ASTN2: variants seen among roughly 807,000 people sequenced by gnomAD.
ASTN2 encodes the protein astrotactin-2.
A neutral mutation model predicts 139.8 loss-of-function variants in ASTN2; 54 were observed. The observed-to-expected ratio is 0.39, with a 90% confidence interval of 0.31 to 0.48. The LOEUF is 0.48. Ranked by LOEUF, ASTN2 falls within the 20% of genes least tolerant of loss-of-function variation. The probability of loss-of-function intolerance (pLI) is 0.95; values close to 1 mark genes in which losing one functional copy is unlikely to be tolerated. For missense variants in ASTN2, 1,565 were observed against 1,725.1 expected, an observed-to-expected ratio of 0.91 and a Z score of 1.64; for synonymous variants, 756 against 719.5, an observed-to-expected ratio of 1.05 and a Z score of -0.81.
chr9:116,475,880 T>A (rs890347982), intron 20 of ASTN2, among the ~76,000 whole-genome samples: 3 of 152,196 alleles, frequency 2.0e-5, no homozygotes, highest in African/African-American at 7.2e-5. Flanking sequence ...TTCCCTGGCC[T>A]TCCACATTCC....
chr9:117,087,447 G>A (rs537661575), intron 5 of ASTN2, among the ~76,000 whole-genome samples: 7 of 152,092 alleles, frequency 4.6e-5, no homozygotes, highest in Admixed American at 2.0e-4. Context: ...AGGCTGGTCC[G>A]GAACTCCCAG....
chr9:116,452,816 A>G (rs1848214820), intron 20 of ASTN2, among the ~76,000 whole-genome samples: 1 of 152,232 alleles, frequency 6.6e-6, no homozygotes, highest in Non-Finnish European at 1.5e-5. Flanking sequence ...GTTAAAGTTT[A>G]TTAGGAGGAT....
At chr9:116,640,499 A>G (rs988655234) in intron 17 of ASTN2, among the ~76,000 whole-genome samples, 2 of 152,232 alleles carry the variant, frequency 1.3e-5, no homozygotes, top group Non-Finnish European at 2.9e-5. Context: ...CAGTTCACTC[A>G]GTGGAAAGAA....
chr9:116,627,892 A>G (rs1006749911), intron 17 of ASTN2, among the ~76,000 whole-genome samples: 1 of 152,196 alleles, frequency 6.6e-6, no homozygotes, highest in Non-Finnish European at 1.5e-5. Context: ...ATATTAACTC[A>G]TTAAATTTTC....
At chr9:116,509,947 T>G (rs1024819223) in intron 19 of ASTN2, among the ~76,000 whole-genome samples, 3 of 152,192 alleles carry the variant, frequency 2.0e-5, no homozygotes, top group African/African-American at 7.2e-5. Context: ...TTTCTCCCAT[T>G]CTGTAGGTTG....
At chr9:116,511,581 C>A (rs989556067) in intron 19 of ASTN2, among the ~76,000 whole-genome samples, 1 of 152,120 alleles carries the variant, frequency 6.6e-6, no homozygotes, top group Non-Finnish European at 1.5e-5. Flanking sequence ...AGGAATGGTA[C>A]GAGCTCTGCC....
At chr9:117,102,703 A>C (rs994594223) in intron 4 of ASTN2, among the ~76,000 whole-genome samples, 1 of 151,826 alleles carries the variant, frequency 6.6e-6, no homozygotes, top group South Asian at 2.1e-4. Flanking sequence ...TGTATTTTTA[A>C]TAGAGACGGG....
chr9:116,589,718 T>C (rs572738825), intron 19 of ASTN2, among the ~76,000 whole-genome samples: 2 of 152,336 alleles, frequency 1.3e-5, no homozygotes, highest in South Asian at 2.1e-4. Context: ...CCTCCAACTC[T>C]TTAGTTTTAT....
At chr9:116,742,360 A>T (rs1398079255) in intron 13 of ASTN2, among the ~76,000 whole-genome samples, 1 of 152,238 alleles carries the variant, frequency 6.6e-6, no homozygotes, top group Non-Finnish European at 1.5e-5. Context: ...AGGAAATAGT[A>T]CACTCTTCTT....
chr9:117,339,528 A>G (rs989236917), intron 1 of ASTN2, among the ~76,000 whole-genome samples: 8 of 151,882 alleles, frequency 5.3e-5, no homozygotes, highest in African/African-American at 1.9e-4. Flanking sequence ...CTTTGCCAAC[A>G]CTCCGTTTAC....
intron 13 of ASTN2, among the ~76,000 whole-genome samples, chr9:116,734,498 A>C (rs1828870514): frequency 6.6e-6 from 1 of 152,136 alleles, no homozygotes; most frequent in Non-Finnish European, 1.5e-5. Context: ...TTTCCAAATT[A>C]AATATGACTT....
intron 13 of ASTN2, among the ~76,000 whole-genome samples, chr9:116,794,460 C>T: frequency 6.6e-6 from 1 of 152,114 alleles, no homozygotes; most frequent in East Asian, 1.9e-4. Flanking sequence ...CAAAGCCATC[C>T]TGAGCCACAT....
chr9:116,786,468 G>A (rs1482537089), intron 13 of ASTN2, among the ~76,000 whole-genome samples: 1 of 152,008 alleles, frequency 6.6e-6, no homozygotes, highest in Non-Finnish European at 1.5e-5. Context: ...ATAGAGTGAA[G>A]ATACAATAGT....
At chr9:116,945,484 C>G (rs1322479766) in intron 10 of ASTN2, among the ~76,000 whole-genome samples, 1 of 152,036 alleles carries the variant, frequency 6.6e-6, no homozygotes, top group Non-Finnish European at 1.5e-5. Context: ...TAAGACAAGT[C>G]CAAACTGAGG....
intron 16 of ASTN2, chr9:116,687,455 G>T (rs945982511): frequency 1.1e-5 from 2 of 174,416 alleles, no homozygotes; most frequent in Admixed American, 6.6e-5. Context: ...GCGGCCAGGC[G>T]GGGGAACGTG....
chr9:116,698,458 G>A lies in ASTN2; in HGVS notation c.2806+27313C>T, dbSNP rs748952234. The A allele has an allele frequency of 1.3e-5, 21 of 1,614,038 alleles. No homozygotes were observed. Among genetic ancestry groups the A allele is most frequent in the Non-Finnish European group, 1.7e-5 (20 of 1,180,028 alleles). On this transcript the variant is annotated intron_variant, in intron 16 of 22. Coordinates refer to ENST00000313400, the MANE Select transcript of ASTN2 (RefSeq NM_001365068.1). This position sits in a 1 kb window ranked among gnomAD's most constrained non-coding sequence, Gnocchi z 4.4. ...GCAGAGGTGCAGGCTGTGTCTCGCT[G>A]TGACTACTTCCTGGCCAAGATCAAG... is the stretch of plus-strand genomic sequence containing the variant.
At chr9:116,677,450 G>A (rs1204527555) in intron 16 of ASTN2, among the ~76,000 whole-genome samples, 1 of 152,142 alleles carries the variant, frequency 6.6e-6, no homozygotes, top group African/African-American at 2.4e-5. Context: ...AAATTACTTG[G>A]CATTATGAGA....
At chr9:117,411,756 TC>T (rs1831167471) in intron 1 of ASTN2, among the ~76,000 whole-genome samples, 1 of 152,090 alleles carries the variant, frequency 6.6e-6, no homozygotes, top group South Asian at 2.1e-4. Flanking sequence ...AGCTCCACAC[TC>T]CCCACTATTG....
chr9:116,625,960 C>T (rs1856431302), intron 17 of ASTN2, among the ~76,000 whole-genome samples: 1 of 151,912 alleles, frequency 6.6e-6, no homozygotes, highest in Non-Finnish European at 1.5e-5. Flanking sequence ...GTGAACTTCT[C>T]CATGGCAAGG....
Sources: allele counts gnomAD v4.1 joint callset (sites outside exome capture counted in the v4.1 genomes callset), GRCh38; gene constraint gnomAD v4.1.1; non-coding constraint Gnocchi (gnomAD v3.1); transcripts MANE v1.5; gene names NCBI Gene and HGNC (gene_info 2026-07-23, HGNC 2026-07-21).